Variants in PDE4B observed in about 807,000 individuals in gnomAD.
PDE4B encodes phosphodiesterase 4B, also known as 3',5'-cyclic-AMP phosphodiesterase 4B.
PDE4B carries 20 observed loss-of-function variants against 82.2 expected under a neutral mutation model. The ratio of observed to expected loss-of-function variants is 0.24; its 90% CI spans 0.17 to 0.35. The LOEUF is 0.35. Ranked by LOEUF, PDE4B falls within the 10% of genes least tolerant of loss-of-function variation. The probability of loss-of-function intolerance (pLI) is 1.00; values close to 1 mark genes in which losing one functional copy is unlikely to be tolerated. For synonymous variants in PDE4B, 320 were observed against 318.9 expected, an observed-to-expected ratio of 1.00 and a Z score of -0.04; for missense variants, 655 against 907.2, an observed-to-expected ratio of 0.72 and a Z score of 3.57.
At chr1:65,852,079 T>C (rs1391367767) in intron 1 of PDE4B, among the ~76,000 whole-genome samples, 1 of 152,038 alleles carries the variant, frequency 6.6e-6, no homozygotes, top group Admixed American at 6.5e-5. Context: ...TTGATTATGG[T>C]ATATTATCCC....
intron 3 of PDE4B, among the ~76,000 whole-genome samples, chr1:66,147,074 C>G (rs1646289574): frequency 6.6e-6 from 1 of 152,036 alleles, no homozygotes; most frequent in Non-Finnish European, 1.5e-5. Flanking sequence ...ATGTGAAATC[C>G]AAGTGAAAAA....
At chr1:66,287,259 A>C (rs1297278827) in intron 7 of PDE4B, among the ~76,000 whole-genome samples, 2 of 152,130 alleles carry the variant, frequency 1.3e-5, no homozygotes, top group African/African-American at 4.8e-5. Context: ...TCTATTAGAG[A>C]TAATAGAAAG....
chr1:66,293,219 T>C (rs550248864), intron 7 of PDE4B, among the ~76,000 whole-genome samples: 1 of 152,272 alleles, frequency 6.6e-6, no homozygotes, highest in South Asian at 2.1e-4. Flanking sequence ...TTTACACCGC[T>C]TGCTTGGACA....
intron 1 of PDE4B, among the ~76,000 whole-genome samples, chr1:65,898,679 G>A (rs1646938167): frequency 6.6e-6 from 1 of 152,026 alleles, no homozygotes; most frequent in Non-Finnish European, 1.5e-5. Context: ...ACAGACAACT[G>A]ATCTCTGACA....
At chr1:66,174,273 G>A (rs1350999058) in intron 3 of PDE4B, among the ~76,000 whole-genome samples, 3 of 152,124 alleles carry the variant, frequency 2.0e-5, no homozygotes, top group African/African-American at 7.2e-5. Context: ...AAATCCTTGA[G>A]CAAAGAGAAG....
rs138775831 is a variant in PDE4B at position 66,224,430 on chromosome 1, G to T, written c.282-23030G>T. Among the ~76,000 whole-genome samples, 210 of 152,212 alleles carry T rather than the reference G, an allele frequency of 1.4e-3. 1 individual carries two copies. The highest frequency in any genetic ancestry group is 4.8e-3 in the African/African-American group (200 of 41,554). ...AGCAAAAAATGGCTGGAGAAAAATA[G>T]TCAAGCAGCCGGGCACAGTGGCTCA... is the stretch of plus-strand genomic sequence containing the variant. On this transcript the variant is annotated intron_variant, in intron 3 of 16. Transcript: ENST00000341517.
chr1:66,054,703 T>C (rs1211640198), intron 3 of PDE4B, among the ~76,000 whole-genome samples: 1 of 152,240 alleles, frequency 6.6e-6, no homozygotes, highest in Non-Finnish European at 1.5e-5. Flanking sequence ...TCCTGAATGA[T>C]ATCTTTCTCA....
chr1:66,195,720 T>C (rs1648243476), intron 3 of PDE4B, among the ~76,000 whole-genome samples: 1 of 152,204 alleles, frequency 6.6e-6, no homozygotes, highest in African/African-American at 2.4e-5. Context: ...CTTGGTAACT[T>C]CATTACCTCC....
At chr1:66,369,610 A>G (rs1227452747) in intron 16 of PDE4B, among the ~76,000 whole-genome samples, 2 of 152,258 alleles carry the variant, frequency 1.3e-5, no homozygotes, top group Non-Finnish European at 2.9e-5. Context: ...AAGTATCAGT[A>G]TCCATACAAA....
At chr1:66,069,583 T>C (rs1656046092) in intron 3 of PDE4B, among the ~76,000 whole-genome samples, 1 of 152,144 alleles carries the variant, frequency 6.6e-6, no homozygotes, top group Non-Finnish European at 1.5e-5. Context: ...AGGTCACACA[T>C]TTATTGAGCA....
chr1:66,367,479 C>T (rs561118241), intron 13 of PDE4B: 78 of 404,460 alleles, frequency 1.9e-4, no homozygotes, highest in African/African-American at 1.5e-3. Flanking sequence ...GAATTTTAAT[C>T]ACAGGGAAAG....
At chr1:66,332,771 C>G (rs1660222927) in intron 8 of PDE4B, 151 bp downstream of exon 8, 1 of 679,008 alleles carries the variant, frequency 1.5e-6, no homozygotes, top group African/African-American at 1.8e-5. Flanking sequence ...TCCAAAGTGT[C>G]ACACTCTACT....
intron 3 of PDE4B, among the ~76,000 whole-genome samples, chr1:66,215,565 C>G (rs187467492): frequency 1.3e-5 from 2 of 152,086 alleles, no homozygotes; most frequent in Non-Finnish European, 2.9e-5. Flanking sequence ...ATATTCTACC[C>G]TCAGCTGTAC....
At chr1:66,307,886 A>T (rs896342876) in intron 7 of PDE4B, among the ~76,000 whole-genome samples, 1 of 152,144 alleles carries the variant, frequency 6.6e-6, no homozygotes, top group African/African-American at 2.4e-5. Context: ...CCATTTGCTG[A>T]ATGAAGGAGT....
chr1:65,883,173 T>G (rs901104053), intron 1 of PDE4B, among the ~76,000 whole-genome samples: 1 of 152,142 alleles, frequency 6.6e-6, no homozygotes, highest in Admixed American at 6.5e-5. Context: ...TTTAAAGTAG[T>G]TTTTTCCAAT....
chr1:66,106,812 A>G lies in PDE4B; in HGVS notation c.282-140648A>G, dbSNP rs530087119. On this transcript the variant is annotated intron_variant, in intron 3 of 16. Transcript: ENST00000341517. Reference sequence around the variant, plus strand: ...CCCTTTATCATTTTTTATTGCATCTATTTGATTCTTCTCTCTTTTCTTCTT... The same window carrying G: ...CCCTTTATCATTTTTTATTGCATCTGTTTGATTCTTCTCTCTTTTCTTCTT... Among the ~76,000 whole-genome samples the G allele has an allele frequency of 7.6e-5, 9 of 118,536 alleles. No individual in the cohort carries two copies. The East Asian group carries it at 8.3e-4, about 11-fold the overall frequency. The allele number at this position is 118,536 out of a possible 152,430, so 77.8% of individuals were successfully genotyped here.
intron 7 of PDE4B, among the ~76,000 whole-genome samples, chr1:66,296,031 T>C (rs988990122): frequency 6.6e-6 from 1 of 152,102 alleles, no homozygotes; most frequent in Non-Finnish European, 1.5e-5. Context: ...CCTTTGTTCA[T>C]CAGGCTAATG....
chr1:65,850,588 CT>C (rs1268440870), intron 1 of PDE4B, among the ~76,000 whole-genome samples: 1 of 152,056 alleles, frequency 6.6e-6, no homozygotes, highest in Non-Finnish European at 1.5e-5. Context: ...CTGTTCAAAT[CT>C]TTTGTCCATT....
intron 3 of PDE4B, among the ~76,000 whole-genome samples, chr1:66,195,302 T>G (rs756365181): frequency 1.3e-5 from 2 of 152,102 alleles, no homozygotes; most frequent in Non-Finnish European, 2.9e-5. Flanking sequence ...TTTCCCTATG[T>G]GGGAGAGAAA....
Sources: gnomAD v4.1 joint callset for allele counts (sites outside exome capture counted in the v4.1 genomes callset) on GRCh38, gnomAD v4.1.1 for gene constraint, MANE v1.5 for transcripts, NCBI Gene and HGNC (gene_info 2026-07-23, HGNC 2026-07-21) for gene names.